RSL1D1: variants seen among roughly 807,000 people sequenced by gnomAD.
The protein encoded by RSL1D1 is ribosomal L1 domain-containing protein 1.
A neutral mutation model predicts 44.6 loss-of-function variants in RSL1D1; 34 were observed. The observed-to-expected ratio is 0.76, with a 90% CI of 0.58 to 1.02. RSL1D1 has a LOEUF of 1.02. RSL1D1 is among the 50% of genes least tolerant of loss of function. The pLI, the probability that RSL1D1 is intolerant of heterozygous loss-of-function variation, is 0.00. For missense variants in RSL1D1, 767 were observed against 568.1 expected, an observed-to-expected ratio of 1.35 and a Z score of -3.56; for synonymous variants, 271 against 207.4, an observed-to-expected ratio of 1.31 and a Z score of -2.63.
At chr16:11,841,654 C>G (rs1482098712) in intron 7 of RSL1D1, 41 bp downstream of exon 7, 1 of 1,564,804 alleles carries the variant, frequency 6.4e-7, no homozygotes, top group Non-Finnish European at 8.7e-7. Flanking sequence ...GAATTTACAC[C>G]CTTCATTATT....
At chr16:11,838,240 C>A in intron 8 of RSL1D1, 127 bp from the exon 9 acceptor site, 1 of 799,394 alleles carries the variant, frequency 1.3e-6, no homozygotes, top group African/African-American at 1.8e-5. Flanking sequence ...GCTGCCCATG[C>A]TAGAGTGCAA....
chr16:11,841,868 T>C (rs756570188), intron 6 of RSL1D1, 39 bp downstream of exon 6: 1 of 1,611,872 alleles, frequency 6.2e-7, no homozygotes, highest in South Asian at 1.1e-5. Flanking sequence ...TTTGTTTCTT[T>C]TAAATGAACA....
intron 1 of RSL1D1, chr16:11,851,158 C>A (rs558464476): frequency 2.5e-5 from 14 of 551,454 alleles, no homozygotes; most frequent in South Asian, 2.4e-4. Flanking sequence ...AGCCAGGTCG[C>A]CAGGTCTATC....
At chr16:11,850,562 C>T in intron 1 of RSL1D1, 144 bp from the exon 2 acceptor site, 2 of 755,542 alleles carry the variant, frequency 2.6e-6, no homozygotes, top group Non-Finnish European at 2.1e-6. Context: ...CAAGGGGTAA[C>T]CTCCATAACC....
At chr16:11,842,778 A>T (rs2053771437) in intron 5 of RSL1D1, among the ~76,000 whole-genome samples, 2 of 148,090 alleles carry the variant, frequency 1.4e-5, no homozygotes, top group East Asian at 4.1e-4. Context: ...TTTTTTTGAG[A>T]TGGAGTTTGC....
At position 11,837,720 on chromosome 16, in the gene RSL1D1, G is replaced by T; in HGVS notation, c.*67C>A. On this transcript the variant is annotated 3_prime_UTR_variant, in exon 9 of 9. Coordinates refer to ENST00000571133, the MANE Select transcript of RSL1D1 (RefSeq NM_015659.3). ...TTAGAGAAGGTTACAAAGGCGGCCA[G>T]GATCTGAGTATTTCCAAAAAGCTCT... The T allele has an allele frequency of 7.2e-7, 1 of 1,383,862 alleles. No individual in the cohort carries two copies. The highest frequency in any genetic ancestry group is 9.9e-7 in the Non-Finnish European group (1 of 1,006,746). The allele number at this position is 1,383,862 out of a possible 1,614,324, so 85.7% of individuals were successfully genotyped here.
At chr16:11,839,544 A>T in intron 8 of RSL1D1, 151 bp downstream of exon 8, 2 of 1,073,872 alleles carry the variant, frequency 1.9e-6, no homozygotes, top group Non-Finnish European at 2.6e-6. Context: ...AAAAAAAAAA[A>T]AAGGTACAAT....
In RSL1D1 at chr16:11,846,815, T is replaced by A; in HGVS notation, c.413A>T (p.Glu138Val). ...GAGCTTGGCTTCATAGGATTTATAT[T>A]CCTTCTTTAGAGTTTGGAGGGAGAT... ...QIISLQTLKKEYKSYEAKLRL... is the reference protein window; with the variant it reads ...QIISLQTLKKVYKSYEAKLRL... The change falls in exon 4 of 9, where the codon GAA (glutamate) becomes GTA (valine). Residue 138 changes from glutamate (E) to valine (V), a missense_variant. Glu to Val is a moderately radical substitution (Grantham distance 121). Transcript: ENST00000571133. 1 of 1,611,812 alleles carries A rather than the reference T, an allele frequency of 6.2e-7. No homozygotes were observed. Among genetic ancestry groups the A allele is most frequent in the Non-Finnish European group, 8.5e-7 (1 of 1,178,096 alleles).
At chr16:11,842,634 A>T (rs1474137713) in intron 5 of RSL1D1, among the ~76,000 whole-genome samples, 1 of 151,260 alleles carries the variant, frequency 6.6e-6, no homozygotes, top group African/African-American at 2.4e-5. Context: ...TCAACCTCCC[A>T]AAGTGCTGGG....
chr16:11,843,098 T>A (rs1258628302), intron 5 of RSL1D1, among the ~76,000 whole-genome samples: 1 of 109,838 alleles, frequency 9.1e-6, no homozygotes, highest in East Asian at 2.3e-4. Context: ...ATTTTTTGTA[T>A]TTTTTTTTTT....
chr16:11,847,912 T>A, intron 2 of RSL1D1, 106 bp from the exon 3 acceptor site: 1 of 1,155,134 alleles, frequency 8.7e-7, no homozygotes, highest in South Asian at 1.4e-5. Flanking sequence ...AAATAACTTT[T>A]AGTCATGCTA....
intron 5 of RSL1D1, among the ~76,000 whole-genome samples, chr16:11,844,409 T>C (rs925683757): frequency 1.3e-5 from 2 of 152,206 alleles, no homozygotes; most frequent in African/African-American, 4.8e-5. Flanking sequence ...CAGATACTCA[T>C]GGGTCCCATA....
chr16:11,847,834 G>GA (rs1435088898), intron 2 of RSL1D1, 28 bp from the exon 3 acceptor site: 1 of 1,607,606 alleles, frequency 6.2e-7, no homozygotes, highest in African/African-American at 1.3e-5. Flanking sequence ...AGAAACCGAG[G>GA]AAAGCATTAT....
intron 7 of RSL1D1, among the ~76,000 whole-genome samples, chr16:11,841,225 CAG>C (rs1345342601): frequency 6.6e-6 from 1 of 152,042 alleles, no homozygotes; most frequent in Non-Finnish European, 1.5e-5. Context: ...GCCTGGGAAA[CAG>C]GGCGACCATG....
chr16:11,838,872 A>AC lies in RSL1D1; in HGVS notation c.1147-760_1147-759insG, dbSNP rs1172887711. Among the ~76,000 whole-genome samples, 86 of 151,454 alleles carry AC rather than the reference A, an allele frequency of 5.7e-4. 1 individual carries two copies. Among genetic ancestry groups the AC allele is most frequent in the African/African-American group, 1.9e-3 (79 of 41,200 alleles). ...ACCTTGTCTCAAAAAAAAAAAACAA[A>AC]AAAAAACTGTGAAGACCCAGAGGTC... On this transcript the variant is annotated intron_variant, in intron 8 of 8. Transcript: ENST00000571133.
chr16:11,846,896 G>A (rs182388931), intron 3 of RSL1D1, 53 bp from the exon 4 acceptor site: 870 of 1,470,334 alleles, frequency 5.9e-4, no homozygotes, highest in Non-Finnish European at 7.8e-4. Context: ...TAAACAAGGA[G>A]AAGAAATACT....
At position 11,846,489 on chromosome 16, in the gene RSL1D1, C is replaced by T. The variant is rs532038997; in HGVS notation, c.635+12G>A. ...AGATTAAAAGAGGCACACATGAATGCCTTTTACCTACCTGCAAGAACCACT... is the reference window on the plus strand; with the variant it reads ...AGATTAAAAGAGGCACACATGAATGTCTTTTACCTACCTGCAAGAACCACT... On this transcript the variant is annotated intron_variant, in intron 5 of 8. Coordinates refer to ENST00000571133, the MANE Select transcript of RSL1D1 (RefSeq NM_015659.3). 23 of 1,293,066 alleles carry T rather than the reference C, an allele frequency of 1.8e-5. No individual in the cohort carries two copies. Among genetic ancestry groups the T allele is most frequent in the Non-Finnish European group, 2.3e-5 (21 of 907,560 alleles). The allele number at this position is 1,293,066 out of a possible 1,614,324, so 80.1% of individuals were successfully genotyped here.
intron 3 of RSL1D1, 33 bp downstream of exon 3, chr16:11,847,634 TA>T: frequency 1.3e-6 from 2 of 1,566,836 alleles, no homozygotes; most frequent in Non-Finnish European, 1.7e-6. Context: ...TTAAATCCTC[TA>T]AATAACTTGA....
intron 5 of RSL1D1, among the ~76,000 whole-genome samples, chr16:11,844,339 T>A (rs570548257): frequency 6.6e-6 from 1 of 152,278 alleles, no homozygotes; most frequent in South Asian, 2.1e-4. Context: ...CCTTGGAAAA[T>A]CCCCAGTGGC....
Sources: allele counts gnomAD v4.1 joint callset (sites outside exome capture counted in the v4.1 genomes callset), GRCh38; gene constraint gnomAD v4.1.1; transcripts MANE v1.5; gene names NCBI Gene and HGNC (gene_info 2026-07-23, HGNC 2026-07-21).